THADA: variants seen among roughly 807,000 people sequenced by gnomAD.
The protein encoded by THADA is THADA armadillo repeat containing, also known as tRNA (32-2'-O)-methyltransferase regulator THADA.
Under a neutral mutation model 219.8 loss-of-function variants are expected in THADA, and 213 were observed. The observed-to-expected ratio is 0.97, with a 90% CI of 0.87 to 1.09. The LOEUF (loss-of-function observed/expected upper bound fraction) is 1.09. Among genes scored for constraint, THADA ranks in the 50% least tolerant of loss-of-function variants. THADA has a pLI of 0.00. For synonymous variants in THADA, 1,018 were observed against 828.9 expected (o/e 1.23, Z -3.92); for missense variants, 2,956 against 2,311.3 (o/e 1.28, Z -5.72).
chr2:43,530,835 C>T (rs982354713), intron 21 of THADA, among the ~76,000 whole-genome samples: 1 of 152,006 alleles, frequency 6.6e-6, no homozygotes, highest in African/African-American at 2.4e-5. Flanking sequence ...GGGTGGTCTT[C>T]TCAAGGATGG....
At chr2:43,565,612 C>G (rs936068879) in intron 15 of THADA, 11 of 152,140 alleles carry the variant, frequency 7.2e-5, no homozygotes, top group Admixed American at 5.2e-4. Flanking sequence ...AAAAATTACA[C>G]TTTGCCCAAT....
At chr2:43,421,223 G>C (rs111959827) in intron 28 of THADA, among the ~76,000 whole-genome samples, 18 of 152,348 alleles carry the variant, frequency 1.2e-4, no homozygotes, top group African/African-American at 4.3e-4. Context: ...CCTGGTATCA[G>C]ACAGTCACAT....
chr2:43,305,117 A>G (rs955378655), intron 31 of THADA, among the ~76,000 whole-genome samples: 2 of 152,330 alleles, frequency 1.3e-5, no homozygotes, highest in Admixed American at 6.5e-5. Flanking sequence ...ATCACAGATG[A>G]TAATTTGTAC....
intron 28 of THADA, among the ~76,000 whole-genome samples, chr2:43,415,008 G>C (rs1374198609): frequency 1.3e-5 from 2 of 152,196 alleles, no homozygotes; most frequent in South Asian, 4.1e-4. Flanking sequence ...ATTCTAATGG[G>C]AAAGAAATCA....
chr2:43,332,084 CTTATTA>C (rs1665853993), intron 30 of THADA, among the ~76,000 whole-genome samples: 1 of 152,110 alleles, frequency 6.6e-6, no homozygotes, highest in African/African-American at 2.4e-5. Context: ...GACAATTAAT[CTTATTA>C]TTATTATTTT....
At chr2:43,486,743 A>G (rs554354133) in intron 25 of THADA, 6 of 152,350 alleles carry the variant, frequency 3.9e-5, no homozygotes, top group South Asian at 2.1e-4. Context: ...ATGAGGAAAT[A>G]TAAGTCCAGT....
Position 43,551,784 on chromosome 2 carries a change from C to T in THADA, c.2947+5G>A, listed in dbSNP as rs1696779846. 6.2e-7 allele frequency: 1 copy of T among 1,609,306 alleles called. No homozygotes were observed. Among genetic ancestry groups the T allele is most frequent in the African/African-American group, 1.3e-5 (1 of 74,672 alleles). On this transcript the variant is annotated splice_donor_5th_base_variant and intron_variant, in intron 19 of 37. Transcript: ENST00000405975. Reference sequence around the variant, plus strand: ...CACTCTAGCCGGCCTTCTTCATTTGCTAACCTGAATCAGTGTCCATTGGGA... The same window carrying T: ...CACTCTAGCCGGCCTTCTTCATTTGTTAACCTGAATCAGTGTCCATTGGGA...
At chr2:43,483,876 T>C (rs1052111986) in intron 26 of THADA, among the ~76,000 whole-genome samples, 2 of 152,010 alleles carry the variant, frequency 1.3e-5, no homozygotes, top group Non-Finnish European at 2.9e-5. Context: ...ATATTTCATT[T>C]ATACCAGTAT....
intron 34 of THADA, among the ~76,000 whole-genome samples, chr2:43,288,146 C>G (rs1260602512): frequency 6.6e-6 from 1 of 152,254 alleles, no homozygotes; most frequent in Non-Finnish European, 1.5e-5. Flanking sequence ...AGGCCGGGCA[C>G]AGTGGCTCAC....
chr2:43,534,748 G>A (rs985147113), intron 21 of THADA, among the ~76,000 whole-genome samples: 1 of 152,126 alleles, frequency 6.6e-6, no homozygotes, highest in Non-Finnish European at 1.5e-5. Context: ...TACGTACCTT[G>A]TGTATTTTGA....
intron 28 of THADA, among the ~76,000 whole-genome samples, chr2:43,408,829 C>T (rs192426814): frequency 2.1e-3 from 327 of 152,248 alleles, no homozygotes; most frequent in Non-Finnish European, 3.2e-3. Context: ...TGTTTAATCT[C>T]ATAATATTGA....
chr2:43,535,850 C>A (rs1267895874), intron 21 of THADA, among the ~76,000 whole-genome samples: 1 of 152,024 alleles, frequency 6.6e-6, no homozygotes, highest in African/African-American at 2.4e-5. Context: ...GAGACTGACA[C>A]TCGCTCTGTC....
intron 26 of THADA, 57 bp downstream of exon 26, chr2:43,485,177 G>C: frequency 1.5e-6 from 2 of 1,377,086 alleles, no homozygotes; most frequent in Non-Finnish European, 2.0e-6. Context: ...TTTGTTTTTG[G>C]CCAGGACAAT....
intron 21 of THADA, among the ~76,000 whole-genome samples, chr2:43,531,990 T>C (rs1693935827): frequency 1.3e-5 from 2 of 151,792 alleles, no homozygotes; most frequent in African/African-American, 4.8e-5. Flanking sequence ...TTTTGGTGTG[T>C]GTTTTTTTTT....
At chr2:43,353,257 G>C (rs1668485825) in intron 29 of THADA, among the ~76,000 whole-genome samples, 1 of 152,134 alleles carries the variant, frequency 6.6e-6, no homozygotes, top group Admixed American at 6.5e-5. Context: ...TCTTCACACT[G>C]TTTTCCATCA....
chr2:43,482,708 G>C (rs1416944430), intron 26 of THADA, among the ~76,000 whole-genome samples: 1 of 152,142 alleles, frequency 6.6e-6, no homozygotes, highest in African/African-American at 2.4e-5. Flanking sequence ...AGGTACCCAA[G>C]AATGGTTAAG....
chr2:43,301,597 G>C (rs1287293735), intron 31 of THADA, among the ~76,000 whole-genome samples: 6 of 152,240 alleles, frequency 3.9e-5, no homozygotes, highest in Non-Finnish European at 8.8e-5. Flanking sequence ...CAATACCTCA[G>C]CATAAGCTAC....
intron 28 of THADA, among the ~76,000 whole-genome samples, chr2:43,407,479 G>A (rs1438787642): frequency 1.3e-5 from 2 of 152,062 alleles, no homozygotes; most frequent in African/African-American, 4.8e-5. Flanking sequence ...TCTAGTCCAA[G>A]GTTGACTGCA....
intron 26 of THADA, among the ~76,000 whole-genome samples, chr2:43,470,932 G>A (rs961767373): frequency 6.6e-6 from 1 of 152,184 alleles, no homozygotes; most frequent in East Asian, 1.9e-4. Flanking sequence ...AGGAAACAGA[G>A]CTCATCTATG....
Sources: gnomAD v4.1 joint callset for allele counts (sites outside exome capture counted in the v4.1 genomes callset) on GRCh38, gnomAD v4.1.1 for gene constraint, MANE v1.5 for transcripts, NCBI Gene and HGNC (gene_info 2026-07-23, HGNC 2026-07-21) for gene names.